MYO3B: variants seen among roughly 807,000 people sequenced by gnomAD.
The protein encoded by MYO3B is myosin-IIIb.
MYO3B carries 156 observed loss-of-function variants against 174.6 expected under a neutral mutation model. That is an observed-to-expected ratio of 0.89 (90% CI 0.78 to 1.02). The LOEUF (loss-of-function observed/expected upper bound fraction) is 1.02. MYO3B is among the 50% of genes least tolerant of loss of function. The pLI, the probability that MYO3B is intolerant of heterozygous loss-of-function variation, is 0.00. For missense variants in MYO3B, 1,632 were observed against 1,639.4 expected, an observed-to-expected ratio of 1.00 and a Z score of 0.08; for synonymous variants, 563 against 569.1, an observed-to-expected ratio of 0.99 and a Z score of 0.15.
chr2:170,470,046 G>A (rs1201574250), intron 25 of MYO3B, among the ~76,000 whole-genome samples: 1 of 139,004 alleles, frequency 7.2e-6, no homozygotes, highest in Non-Finnish European at 1.5e-5. Context: ...AGGTTGTAGT[G>A]AGCCGAGATC....
At chr2:170,200,056 A>G (rs1333734198) in intron 2 of MYO3B, 94 bp from the exon 3 acceptor site, 1 of 1,205,414 alleles carries the variant, frequency 8.3e-7, no homozygotes, top group African/African-American at 1.5e-5. Flanking sequence ...TACATAGTAC[A>G]TATGTTTTAC....
intron 32 of MYO3B, among the ~76,000 whole-genome samples, chr2:170,559,953 C>T (rs1047480936): frequency 6.6e-6 from 1 of 152,046 alleles, no homozygotes; most frequent in Non-Finnish European, 1.5e-5. Flanking sequence ...GCTCTGGAAG[C>T]TTTGAGGGGA....
At chr2:170,528,454 G>C (rs182889516) in intron 30 of MYO3B, among the ~76,000 whole-genome samples, 2 of 152,058 alleles carry the variant, frequency 1.3e-5, no homozygotes, top group South Asian at 2.1e-4. Context: ...TCGCCAGACC[G>C]GAGTGCAGTG....
chr2:170,253,340 C>T (rs976927904), intron 7 of MYO3B, among the ~76,000 whole-genome samples: 6 of 152,134 alleles, frequency 3.9e-5, no homozygotes, highest in Non-Finnish European at 7.3e-5. Flanking sequence ...ATTTTTGGCT[C>T]GAGCAACTGC....
At chr2:170,400,386 G>T in intron 17 of MYO3B, 72 bp downstream of exon 17, 1 of 1,469,192 alleles carries the variant, frequency 6.8e-7, no homozygotes, top group East Asian at 2.3e-5. Context: ...AAAATATAAT[G>T]CAGCATTTGC....
chr2:170,383,852 T>A, intron 12 of MYO3B, 38 bp downstream of exon 12: 1 of 1,507,410 alleles, frequency 6.6e-7, no homozygotes, highest in Non-Finnish European at 9.2e-7. Flanking sequence ...AGTCACCCAG[T>A]TAAGACATGT....
intron 30 of MYO3B, among the ~76,000 whole-genome samples, chr2:170,532,746 G>T (rs1265043618): frequency 2.0e-5 from 3 of 151,134 alleles, no homozygotes; most frequent in African/African-American, 7.3e-5. Flanking sequence ...AACCTGGGAG[G>T]TGGGGGTTGC....
chr2:170,388,928 G>T (rs879705751), intron 14 of MYO3B, among the ~76,000 whole-genome samples: 4 of 152,148 alleles, frequency 2.6e-5, no homozygotes, highest in Admixed American at 6.5e-5. Context: ...GTGGCTTTTT[G>T]ATTAATTTTT....
chr2:170,222,090 TAG>T (rs2092907213), intron 6 of MYO3B, among the ~76,000 whole-genome samples: 1 of 152,212 alleles, frequency 6.6e-6, no homozygotes, highest in South Asian at 2.1e-4. Context: ...CTCATAATAA[TAG>T]AGTCATGAAA....
intron 24 of MYO3B, among the ~76,000 whole-genome samples, chr2:170,464,066 G>C (rs1684468008): frequency 6.6e-6 from 1 of 152,136 alleles, no homozygotes; most frequent in South Asian, 2.1e-4. Flanking sequence ...TAGAAATACT[G>C]TTAGGCCGAG....
intron 6 of MYO3B, among the ~76,000 whole-genome samples, chr2:170,226,332 C>T (rs1297951517): frequency 6.6e-6 from 1 of 152,220 alleles, no homozygotes; most frequent in Non-Finnish European, 1.5e-5. Flanking sequence ...TAACCTTTTG[C>T]TGTTGCCTGG....
chr2:170,468,911 A>G (rs935517975), intron 25 of MYO3B, among the ~76,000 whole-genome samples: 1 of 152,160 alleles, frequency 6.6e-6, no homozygotes, highest in African/African-American at 2.4e-5. Context: ...CTGTAATCCT[A>G]GCACTTTGGG....
intron 7 of MYO3B, among the ~76,000 whole-genome samples, chr2:170,289,929 A>T (rs1226881295): frequency 6.6e-6 from 1 of 152,070 alleles, no homozygotes; most frequent in East Asian, 1.9e-4. Context: ...AAATTTTAAA[A>T]TTTCCTTCTT....
At chr2:170,372,118 C>CAAA (rs769243145) in intron 9 of MYO3B, among the ~76,000 whole-genome samples, 2,905 of 22,042 alleles carry the variant, frequency 0.13, 753 homozygotes, top group Non-Finnish European at 0.2. Flanking sequence ...GACCCTGTCT[C>CAAA]AAAAAAAAAA....
At chr2:170,197,201 A>C (rs1229246694) in intron 1 of MYO3B, among the ~76,000 whole-genome samples, 1 of 151,976 alleles carries the variant, frequency 6.6e-6, no homozygotes, top group Non-Finnish European at 1.5e-5. Context: ...GTTTCTTCAA[A>C]CTGCCTTTGA....
At chr2:170,187,226 G>A (rs2092476810) in intron 1 of MYO3B, among the ~76,000 whole-genome samples, 1 of 151,370 alleles carries the variant, frequency 6.6e-6, no homozygotes, top group African/African-American at 2.4e-5. Flanking sequence ...TGCTTTTCTA[G>A]TTCTTTTTTT....
At chr2:170,198,574 G>C (rs1369554034) in intron 1 of MYO3B, among the ~76,000 whole-genome samples, 1 of 152,196 alleles carries the variant, frequency 6.6e-6, no homozygotes, top group Non-Finnish European at 1.5e-5. Context: ...AACTACAGCT[G>C]TTTGGGCTGG....
intron 7 of MYO3B, among the ~76,000 whole-genome samples, chr2:170,264,175 C>CA (rs1306552258): frequency 2.6e-5 from 4 of 152,218 alleles, no homozygotes; most frequent in Non-Finnish European, 5.9e-5. Context: ...TAGTACAGAA[C>CA]AAAATGGAGT....
chr2:170,551,905 G>T (rs1690947205), intron 32 of MYO3B, among the ~76,000 whole-genome samples: 2 of 67,298 alleles, frequency 3.0e-5, no homozygotes, highest in South Asian at 7.8e-4. Context: ...GTTTAAAAGT[G>T]TGTAGCACTT....
Sources: gnomAD v4.1 joint callset for allele counts (sites outside exome capture counted in the v4.1 genomes callset) on GRCh38, gnomAD v4.1.1 for gene constraint, MANE v1.5 for transcripts, NCBI Gene and HGNC (gene_info 2026-07-23, HGNC 2026-07-21) for gene names.